The following LUZP2 variants were observed in gnomAD, a reference collection of about 807,000 sequenced individuals.
LUZP2 encodes leucine zipper protein 2.
A neutral mutation model predicts 51.6 loss-of-function variants in LUZP2; 52 were observed. The ratio of observed to expected loss-of-function variants is 1.01; its 90% confidence interval spans 0.81 to 1.27. The LOEUF (loss-of-function observed/expected upper bound fraction) is 1.27. LUZP2 is among the 50% of genes most tolerant of loss of function. The pLI, the probability that LUZP2 is intolerant of heterozygous loss-of-function variation, is 0.00. For synonymous variants in LUZP2, 154 were observed against 137.3 expected (o/e 1.12, Z -0.85); for missense variants, 436 against 395.4 (o/e 1.10, Z -0.87).
In LUZP2 at chr11:24,497,154, T is replaced by G; in HGVS notation, c.-90T>G. On this transcript the variant is annotated 5_prime_UTR_variant, in exon 1 of 12. Transcript: ENST00000336930. ...CCTCGGAAGAGCGCTCATCACTGGC[T>G]GGGGACAGAGCCGGGCACCAAGGAG... The G allele has an allele frequency of 8.2e-7, 1 of 1,217,580 alleles. No individual in the cohort carries two copies. The highest frequency in any genetic ancestry group is 1.1e-6 in the Non-Finnish European group (1 of 895,038). The allele number at this position is 1,217,580 out of a possible 1,614,324, so 75.4% of individuals were successfully genotyped here.
intron 5 of LUZP2, among the ~76,000 whole-genome samples, chr11:24,775,825 C>T (rs1212530770): frequency 6.6e-6 from 1 of 152,110 alleles, no homozygotes; most frequent in Non-Finnish European, 1.5e-5. Flanking sequence ...TAGCTCTTTA[C>T]TCTTATGCCT....
chr11:25,042,283 T>G (rs1346850595), intron 9 of LUZP2, among the ~76,000 whole-genome samples: 1 of 152,100 alleles, frequency 6.6e-6, no homozygotes. Context: ...CTTGATTTTA[T>G]AATTATCCTC....
intron 1 of LUZP2, among the ~76,000 whole-genome samples, chr11:24,545,070 C>T (rs923770567): frequency 2.0e-5 from 3 of 151,812 alleles, no homozygotes; most frequent in African/African-American, 7.3e-5. Context: ...GACTTTTGGG[C>T]ACATGTATGT....
intron 1 of LUZP2, among the ~76,000 whole-genome samples, chr11:24,587,840 A>G (rs544943054): frequency 1.3e-5 from 2 of 152,078 alleles, no homozygotes; most frequent in East Asian, 3.9e-4. Context: ...GGTGAGAGGG[A>G]AAAAAAGGCA....
At chr11:24,597,627 G>A (rs1853485594) in intron 1 of LUZP2, among the ~76,000 whole-genome samples, 1 of 152,136 alleles carries the variant, frequency 6.6e-6, no homozygotes, top group Non-Finnish European at 1.5e-5. Flanking sequence ...TACGTGATAG[G>A]ATTGCCCTTG....
intron 7 of LUZP2, among the ~76,000 whole-genome samples, chr11:24,932,094 C>T (rs980957585): frequency 3.3e-5 from 5 of 152,170 alleles, no homozygotes; most frequent in Non-Finnish European, 5.9e-5. Context: ...TGTAAAGAGT[C>T]CTGTGATGTG....
chr11:24,784,725 C>T (rs897927791), intron 5 of LUZP2, among the ~76,000 whole-genome samples: 1 of 151,980 alleles, frequency 6.6e-6, no homozygotes, highest in Non-Finnish European at 1.5e-5. Flanking sequence ...AGGAATGCTT[C>T]TTGCCCTACA....
intron 3 of LUZP2, 40 bp from the exon 4 acceptor site, chr11:24,738,181 T>C: frequency 3.1e-6 from 4 of 1,296,334 alleles, no homozygotes; most frequent in Non-Finnish European, 4.4e-6. Flanking sequence ...AATGGAATTA[T>C]ATTATTTTCT....
At chr11:24,931,473 GC>G (rs1368303807) in intron 7 of LUZP2, among the ~76,000 whole-genome samples, 5 of 152,010 alleles carry the variant, frequency 3.3e-5, no homozygotes, top group Admixed American at 3.3e-4. Flanking sequence ...AGAAAAATAG[GC>G]CCAGGGGACT....
At chr11:24,933,319 C>T (rs1854506296) in intron 7 of LUZP2, among the ~76,000 whole-genome samples, 1 of 152,120 alleles carries the variant, frequency 6.6e-6, no homozygotes, top group Non-Finnish European at 1.5e-5. Flanking sequence ...TGAGTGGGAG[C>T]TGCAAGTTAG....
intron 7 of LUZP2, among the ~76,000 whole-genome samples, chr11:24,915,481 AGT>A (rs768254008): frequency 1.3e-5 from 2 of 152,110 alleles, no homozygotes; most frequent in Non-Finnish European, 2.9e-5. Flanking sequence ...GAAAGAGGAG[AGT>A]TTTTCGAGAA....
intron 1 of LUZP2, among the ~76,000 whole-genome samples, chr11:24,661,456 C>A (rs1376074033): frequency 6.6e-6 from 1 of 152,166 alleles, no homozygotes; most frequent in Non-Finnish European, 1.5e-5. Context: ...TCTGTGGGAT[C>A]TGTTCAATGG....
At chr11:25,008,637 A>G (rs1442669153) in intron 9 of LUZP2, among the ~76,000 whole-genome samples, 1 of 152,134 alleles carries the variant, frequency 6.6e-6, no homozygotes. Flanking sequence ...GCTTTTCCTC[A>G]GGCTCCAGGT....
intron 1 of LUZP2, among the ~76,000 whole-genome samples, chr11:24,642,836 G>T (rs1336143556): frequency 2.0e-5 from 3 of 152,106 alleles, no homozygotes; most frequent in African/African-American, 7.2e-5. Context: ...TATATCAGGG[G>T]TAAGGGAGGA....
intron 1 of LUZP2, among the ~76,000 whole-genome samples, chr11:24,600,741 T>C (rs191644689): frequency 4.6e-5 from 7 of 152,274 alleles, no homozygotes. Flanking sequence ...GGAAAGGTAG[T>C]ATAAACGTAA....
chr11:24,696,051 ATT>A (rs1857237906), intron 1 of LUZP2, among the ~76,000 whole-genome samples: 2 of 152,064 alleles, frequency 1.3e-5, no homozygotes, highest in African/African-American at 4.8e-5. Flanking sequence ...AAGAGCTTAT[ATT>A]TGGGAAGGAC....
At chr11:24,813,383 T>C (rs1048426012) in intron 5 of LUZP2, among the ~76,000 whole-genome samples, 1 of 152,172 alleles carries the variant, frequency 6.6e-6, no homozygotes, top group African/African-American at 2.4e-5. Context: ...CTGCAATCTG[T>C]ACAGAAAGCA....
chr11:24,835,846 G>A (rs1426482062), intron 5 of LUZP2, among the ~76,000 whole-genome samples: 1 of 151,828 alleles, frequency 6.6e-6, no homozygotes, highest in Non-Finnish European at 1.5e-5. Context: ...AGTAATGTTT[G>A]TTAATGTTTA....
At chr11:24,806,084 T>C (rs182408369) in intron 5 of LUZP2, among the ~76,000 whole-genome samples, 51 of 152,322 alleles carry the variant, frequency 3.3e-4, no homozygotes, top group Middle Eastern at 3.4e-3. Flanking sequence ...CTTGTAAAAG[T>C]ACATTATGTT....
Sources: allele counts gnomAD v4.1 joint callset (sites outside exome capture counted in the v4.1 genomes callset), GRCh38; gene constraint gnomAD v4.1.1; transcripts MANE v1.5; gene names NCBI Gene and HGNC (gene_info 2026-07-23, HGNC 2026-07-21).